The following CTNNA3 variants were observed in gnomAD, a reference collection of about 807,000 sequenced individuals.
CTNNA3 encodes the protein catenin alpha-3.
In CTNNA3, 76 loss-of-function variants were observed where a neutral mutation model predicts 95.7. The observed-to-expected ratio is 0.79, with a 90% confidence interval of 0.66 to 0.96. The LOEUF (loss-of-function observed/expected upper bound fraction) is 0.96. Among genes scored for constraint, CTNNA3 ranks in the 40% least tolerant of loss-of-function variants. The pLI, the probability that CTNNA3 is intolerant of heterozygous loss-of-function variation, is 0.00. For synonymous variants in CTNNA3, 431 were observed against 374.4 expected (o/e 1.15, Z -1.74); for missense variants, 1,191 against 1,089.8 (o/e 1.09, Z -1.31).
intron 9 of CTNNA3, among the ~76,000 whole-genome samples, chr10:66,668,272 A>C (rs1431232356): frequency 6.6e-6 from 1 of 152,186 alleles, no homozygotes; most frequent in Non-Finnish European, 1.5e-5. Context: ...AATGGGAAAC[A>C]TAAAAGGGAA....
chr10:67,146,152 T>A (rs1319604650), intron 7 of CTNNA3, among the ~76,000 whole-genome samples: 2 of 152,294 alleles, frequency 1.3e-5, no homozygotes, highest in South Asian at 2.1e-4. Context: ...TAAAATAATG[T>A]TGAAATGACT....
intron 7 of CTNNA3, among the ~76,000 whole-genome samples, chr10:66,867,615 G>A (rs1246520479): frequency 1.3e-5 from 2 of 152,090 alleles, no homozygotes; most frequent in Non-Finnish European, 2.9e-5. Flanking sequence ...ATTTTCTGAG[G>A]TAGATTGCTC....
At chr10:66,197,272 C>A (rs1321411836) in intron 13 of CTNNA3, among the ~76,000 whole-genome samples, 1 of 152,004 alleles carries the variant, frequency 6.6e-6, no homozygotes, top group Non-Finnish European at 1.5e-5. Flanking sequence ...ATACTCAACC[C>A]ATAGGTTACT....
At chr10:66,865,440 T>C (rs960796696) in intron 7 of CTNNA3, among the ~76,000 whole-genome samples, 2 of 152,096 alleles carry the variant, frequency 1.3e-5, no homozygotes, top group Non-Finnish European at 2.9e-5. Context: ...CGAGTATGTG[T>C]GCTTTTATCA....
chr10:66,573,886 T>G (rs1173634362), intron 10 of CTNNA3, among the ~76,000 whole-genome samples: 1 of 152,162 alleles, frequency 6.6e-6, no homozygotes, highest in African/African-American at 2.4e-5. Context: ...GTGCAGAGAA[T>G]ATCATCATCC....
rs554673337 is a variant in CTNNA3 at position 66,725,609 on chromosome 10, C to T, written c.1281+40655G>A. Among the ~76,000 whole-genome samples, 40 of 152,260 alleles carry T rather than the reference C, an allele frequency of 2.6e-4. 1 individual carries two copies. Among genetic ancestry groups the T allele is most frequent in the Non-Finnish European group, 5.1e-4 (35 of 67,972 alleles). On this transcript the variant is annotated intron_variant, in intron 9 of 17. Transcript: ENST00000433211. Reference sequence around the variant, plus strand: ...TAGCAATTCTACACTGGTATAACAACATTGCCCAGTTACTCCACCTTTGAA... The same window carrying T: ...TAGCAATTCTACACTGGTATAACAATATTGCCCAGTTACTCCACCTTTGAA...
At chr10:67,519,530 A>G (rs1839919676) in intron 5 of CTNNA3, among the ~76,000 whole-genome samples, 2 of 152,200 alleles carry the variant, frequency 1.3e-5, no homozygotes, top group Admixed American at 6.5e-5. Context: ...TTAATTGCCT[A>G]TAATCTGAGG....
At chr10:67,365,052 G>A (rs978425516) in intron 5 of CTNNA3, among the ~76,000 whole-genome samples, 3 of 152,056 alleles carry the variant, frequency 2.0e-5, no homozygotes, top group Non-Finnish European at 4.4e-5. Flanking sequence ...ACAGAACAGA[G>A]GCCTCAGAAA....
intron 9 of CTNNA3, among the ~76,000 whole-genome samples, chr10:66,708,157 T>C (rs909889978): frequency 2.0e-5 from 3 of 151,418 alleles, no homozygotes; most frequent in African/African-American, 4.9e-5. Flanking sequence ...GAGCCTTTCC[T>C]GGGGAGCATA....
intron 5 of CTNNA3, among the ~76,000 whole-genome samples, chr10:67,357,336 A>G (rs1842844818): frequency 6.6e-6 from 1 of 152,134 alleles, no homozygotes; most frequent in Non-Finnish European, 1.5e-5. Flanking sequence ...AAAACCCAAG[A>G]GAATCAACTG....
chr10:66,946,816 AT>A (rs1481020659), intron 7 of CTNNA3, among the ~76,000 whole-genome samples: 1 of 152,066 alleles, frequency 6.6e-6, no homozygotes, highest in African/African-American at 2.4e-5. Flanking sequence ...CAAATGATGG[AT>A]CTACGTATGT....
At position 67,468,149 on chromosome 10, in the gene CTNNA3, G is replaced by A. The variant is rs571349205; in HGVS notation, c.579+53693C>T. Among the ~76,000 whole-genome samples the A allele has an allele frequency of 3.6e-3, 546 of 151,758 alleles. 4 individuals are homozygous for A. Among genetic ancestry groups the A allele is most frequent in the Middle Eastern group, 6.8e-3 (2 of 294 alleles). ...CACCCAAGTATTCAGCCTAGTACCC[G>A]TTGGTGTTTTTCTTGATCCTCTCCC... On this transcript the variant is annotated intron_variant, in intron 5 of 17. Coordinates refer to ENST00000433211, the MANE Select transcript of CTNNA3 (RefSeq NM_013266.4).
intron 12 of CTNNA3, among the ~76,000 whole-genome samples, chr10:66,295,664 C>T (rs1160858367): frequency 1.3e-5 from 2 of 152,136 alleles, no homozygotes; most frequent in Non-Finnish European, 2.9e-5. Context: ...GGCTACAAGG[C>T]CACAAATGTC....
chr10:66,206,793 T>A (rs2087786708), intron 13 of CTNNA3, among the ~76,000 whole-genome samples: 1 of 151,928 alleles, frequency 6.6e-6, no homozygotes, highest in Non-Finnish European at 1.5e-5. Flanking sequence ...CATGGGCATG[T>A]ATCACAACCT....
In CTNNA3 at chr10:66,455,887, T is replaced by C. The variant is rs371147413; in HGVS notation, c.1531+64730A>G. On this transcript the variant is annotated intron_variant, in intron 11 of 17. Coordinates refer to ENST00000433211, the MANE Select transcript of CTNNA3 (RefSeq NM_013266.4). Reference sequence around the variant, plus strand: ...GCATCAACAGGATACAAGATCAACATACAACAAAACAATTTTATTTCTGCA... The same window carrying C: ...GCATCAACAGGATACAAGATCAACACACAACAAAACAATTTTATTTCTGCA... Among the ~76,000 whole-genome samples, 2 of 152,184 alleles carry C rather than the reference T, an allele frequency of 1.3e-5. 1 individual carries two copies. Among genetic ancestry groups the C allele is most frequent in the Middle Eastern group, 6.3e-3 (2 of 316 alleles).
intron 10 of CTNNA3, among the ~76,000 whole-genome samples, chr10:66,586,096 G>C (rs1843352415): frequency 6.6e-6 from 1 of 152,152 alleles, no homozygotes; most frequent in Non-Finnish European, 1.5e-5. Context: ...TAGTGGCAGT[G>C]GGCTGGGTGT....
At chr10:67,239,534 T>C (rs1184139648) in intron 5 of CTNNA3, among the ~76,000 whole-genome samples, 1 of 152,214 alleles carries the variant, frequency 6.6e-6, no homozygotes, top group East Asian at 1.9e-4. Flanking sequence ...CAGTTTCTGG[T>C]AATTTTCTAT....
At chr10:66,209,486 CAT>C (rs1221171015) in intron 13 of CTNNA3, among the ~76,000 whole-genome samples, 2 of 152,060 alleles carry the variant, frequency 1.3e-5, no homozygotes, top group Non-Finnish European at 2.9e-5. Context: ...TCATGTCATG[CAT>C]ACATCTGGAG....
Position 65,971,637 on chromosome 10 carries a change from G to A in CTNNA3, c.2266-4891C>T, listed in dbSNP as rs569644762. Among the ~76,000 whole-genome samples the A allele has an allele frequency of 3.7e-4, 56 of 151,830 alleles. No homozygotes were observed. The Middle Eastern group carries it at 0.01, about 28-fold the overall frequency. On this transcript the variant is annotated intron_variant, in intron 16 of 17. Coordinates refer to ENST00000433211, the MANE Select transcript of CTNNA3 (RefSeq NM_013266.4). ...TGAATTAGAAAGAAACTGAAACCCT[G>A]AACAGACCAAAATCGAGTTCCTAAA...
Sources: allele counts gnomAD v4.1 joint callset (sites outside exome capture counted in the v4.1 genomes callset), GRCh38; gene constraint gnomAD v4.1.1; transcripts MANE v1.5; gene names NCBI Gene and HGNC (gene_info 2026-07-23, HGNC 2026-07-21).